Variants in C2orf76 observed in about 807,000 individuals in gnomAD.
C2orf76 encodes the protein UPF0538 protein C2orf76.
Under a neutral mutation model 16.9 loss-of-function variants are expected in C2orf76, and 23 were observed. That is an observed-to-expected ratio of 1.36 (90% CI 0.98 to 1.93). The LOEUF is 1.93. C2orf76 is among the 30% of genes most tolerant of loss of function. The probability of loss-of-function intolerance (pLI) is 0.00; values close to 1 mark genes in which losing one functional copy is unlikely to be tolerated. For missense variants in C2orf76, 152 were observed against 152.6 expected (o/e 1.00, Z 0.02); for synonymous variants, 48 against 52.3 (o/e 0.92, Z 0.35).
the C2orf76 span, among the ~76,000 whole-genome samples, chr2:119,283,187 T>C: frequency 3.3e-5 from 5 of 152,326 alleles, no homozygotes; most frequent in South Asian, 4.1e-4. Context: ...CTGTCAACAG[T>C]GGCACCAAGG....
At chr2:119,303,340 T>C (rs1678675839) in intron 5 of C2orf76, among the ~76,000 whole-genome samples, 1 of 152,224 alleles carries the variant, frequency 6.6e-6, no homozygotes, top group African/African-American at 2.4e-5. Context: ...TTATTAAACA[T>C]GCAATTCTTT....
Position 119,366,795 on chromosome 2 carries a change from C to G in C2orf76, c.-18G>C, listed in dbSNP as rs1299658025. 1 of 575,934 alleles carries G rather than the reference C, an allele frequency of 1.7e-6. No homozygotes were observed. Among genetic ancestry groups the G allele is most frequent in the African/African-American group, 1.9e-5 (1 of 52,346 alleles). 35.7% of individuals were successfully genotyped at this position (575,934 alleles called of 1,614,324 possible). ...CCTACTTCCGTTGTCCCCACCTGTT[C>G]CCGGCGTCCCCTTCGGCTACTCCCG... On this transcript the variant is annotated 5_prime_UTR_variant, in exon 1 of 6. Coordinates refer to ENST00000334816, the MANE Select transcript of C2orf76 (RefSeq NM_001322331.2).
chr2:119,350,629 A>G (rs1304611837), intron 1 of C2orf76, among the ~76,000 whole-genome samples: 1 of 152,230 alleles, frequency 6.6e-6, no homozygotes, highest in African/African-American at 2.4e-5. Context: ...TTTTTGGTCC[A>G]AGCTGCAAGG....
chr2:119,340,473 T>A (rs910770802), intron 1 of C2orf76: 8 of 152,992 alleles, frequency 5.2e-5, no homozygotes, highest in Non-Finnish European at 1.2e-4. Context: ...GGTGTTACCG[T>A]CTTTCACATT....
At chr2:119,331,699 C>A (rs753157315) in intron 2 of C2orf76, among the ~76,000 whole-genome samples, 4 of 152,136 alleles carry the variant, frequency 2.6e-5, no homozygotes, top group Non-Finnish European at 5.9e-5. Context: ...ATAGGGGTCA[C>A]CATGTCTGTT....
At chr2:119,338,404 C>T (rs1252226757) in intron 2 of C2orf76, among the ~76,000 whole-genome samples, 1 of 152,180 alleles carries the variant, frequency 6.6e-6, no homozygotes, top group South Asian at 2.1e-4. Context: ...TACTAACTAG[C>T]CTTAGTATTC....
In C2orf76 at chr2:119,345,089, T is replaced by A. The variant is rs143140244; in HGVS notation, c.-12-5118A>T. Among the ~76,000 whole-genome samples, 853 of 152,234 alleles carry A rather than the reference T, an allele frequency of 5.6e-3. 6 individuals carry two copies. Among genetic ancestry groups the A allele is most frequent in the Non-Finnish European group, 8.4e-3 (572 of 67,992 alleles). ...AGAAAATAGGTACATATTTTTATAA[T>A]CTTAAGATAGGAAAAGCTCTAAGCA... On this transcript the variant is annotated intron_variant, in intron 1 of 5. Coordinates refer to ENST00000334816, the MANE Select transcript of C2orf76 (RefSeq NM_001322331.2).
At chr2:119,360,470 T>A (rs1680708697) in intron 1 of C2orf76, among the ~76,000 whole-genome samples, 1 of 117,054 alleles carries the variant, frequency 8.5e-6, no homozygotes, top group African/African-American at 3.3e-5. Context: ...AGAGCAAAAC[T>A]CTGTCTCAAA....
chr2:119,365,758 C>CGG (rs1341230074), intron 1 of C2orf76, among the ~76,000 whole-genome samples: 2 of 152,224 alleles, frequency 1.3e-5, no homozygotes, highest in East Asian at 3.8e-4. Context: ...TAAAACACTT[C>CGG]CAGACACCTG....
At chr2:119,289,026 C>A in the C2orf76 span, among the ~76,000 whole-genome samples, 15 of 152,058 alleles carry the variant, frequency 9.9e-5, no homozygotes, top group Admixed American at 3.9e-4. Flanking sequence ...TATAAGCAAC[C>A]CTGGGCCAAG....
At chr2:119,344,462 A>C (rs1680136490) in intron 1 of C2orf76, among the ~76,000 whole-genome samples, 1 of 152,240 alleles carries the variant, frequency 6.6e-6, no homozygotes, top group African/African-American at 2.4e-5. Flanking sequence ...AAAAGATTTA[A>C]ATAAATGAAA....
chr2:119,365,066 AGAGT>A (rs1680886117), intron 1 of C2orf76, among the ~76,000 whole-genome samples: 1 of 152,230 alleles, frequency 6.6e-6, no homozygotes, highest in Non-Finnish European at 1.5e-5. Context: ...CCTAGGTAAA[AGAGT>A]GAGACCACAT....
At chr2:119,332,306 A>G (rs77901185) in intron 2 of C2orf76, among the ~76,000 whole-genome samples, 28,034 of 151,996 alleles carry the variant, frequency 0.18, 2,809 homozygotes, top group East Asian at 0.22. Context: ...AAACTAAGCC[A>G]ATGACTAATC....
chr2:119,305,958 CA>C (rs1006028585), intron 5 of C2orf76, among the ~76,000 whole-genome samples: 2 of 125,832 alleles, frequency 1.6e-5, no homozygotes, highest in East Asian at 2.5e-4. Context: ...AAAAAAAAAA[CA>C]AAAAAAACCT....
intron 1 of C2orf76, among the ~76,000 whole-genome samples, chr2:119,350,112 A>T (rs1021858121): frequency 7.1e-6 from 1 of 140,410 alleles, no homozygotes; most frequent in Non-Finnish European, 1.5e-5. Context: ...TTGTAGAACT[A>T]ATGAGCAGTT....
intron 2 of C2orf76, 133 bp downstream of exon 2, chr2:119,339,694 C>T (rs926289551): frequency 3.3e-6 from 3 of 918,210 alleles, no homozygotes; most frequent in Admixed American, 2.6e-5. Flanking sequence ...AACCGGGGCT[C>T]GCCCAGCACC....
intron 1 of C2orf76, among the ~76,000 whole-genome samples, chr2:119,345,231 A>C (rs1680161247): frequency 1.3e-5 from 2 of 152,248 alleles, no homozygotes; most frequent in Admixed American, 1.3e-4. Context: ...GCAACTGGCT[A>C]AACTTAAGCC....
At chr2:119,288,681 C>T in the C2orf76 span, among the ~76,000 whole-genome samples, 12 of 151,950 alleles carry the variant, frequency 7.9e-5, 1 homozygote, top group South Asian at 1.1e-3. Context: ...GCTCCAACCC[C>T]GACACTGGCA....
At chr2:119,286,566 C>T in the C2orf76 span, among the ~76,000 whole-genome samples, 1 of 152,124 alleles carries the variant, frequency 6.6e-6, no homozygotes, top group East Asian at 1.9e-4. Context: ...GGAGATGTAG[C>T]CAGAGATCAA....
Sources: gnomAD v4.1 joint callset for allele counts (sites outside exome capture counted in the v4.1 genomes callset) on GRCh38, gnomAD v4.1.1 for gene constraint, MANE v1.5 for transcripts, NCBI Gene and HGNC (gene_info 2026-07-23, HGNC 2026-07-21) for gene names.